CAP2: variants seen among roughly 807,000 people sequenced by gnomAD.
The protein encoded by CAP2 is cyclase associated actin cytoskeleton regulatory protein 2, also known as adenylyl cyclase-associated protein 2.
CAP2 carries 24 observed loss-of-function variants against 57.7 expected under a neutral mutation model. The ratio of observed to expected loss-of-function variants is 0.42; its 90% confidence interval spans 0.30 to 0.58. The LOEUF is 0.58. Ranked by LOEUF, CAP2 falls within the 20% of genes least tolerant of loss-of-function variation. CAP2 has a pLI of 0.22. For synonymous variants in CAP2, 194 were observed against 207.2 expected (o/e 0.94, Z 0.55); for missense variants, 501 against 590.3 (o/e 0.85, Z 1.57).
At chr6:17,495,418 T>C (rs1450675205) in intron 4 of CAP2, among the ~76,000 whole-genome samples, 1 of 152,204 alleles carries the variant, frequency 6.6e-6, no homozygotes, top group South Asian at 2.1e-4. Flanking sequence ...GCTTTACATC[T>C]AAGAACTGAG....
At chr6:17,462,953 A>G (rs368919174) in intron 3 of CAP2, 43 bp from the exon 4 acceptor site, 10 of 1,474,132 alleles carry the variant, frequency 6.8e-6, no homozygotes, top group African/African-American at 5.5e-5. Context: ...AACAATTTTT[A>G]GGAGTCAAAC....
intron 12 of CAP2, among the ~76,000 whole-genome samples, chr6:17,554,330 G>T (rs1378317933): frequency 6.6e-6 from 1 of 152,130 alleles, no homozygotes; most frequent in African/African-American, 2.4e-5. Flanking sequence ...CAATGGAGAG[G>T]GTGGGATTAC....
chr6:17,469,110 C>T (rs1487869985), intron 4 of CAP2, among the ~76,000 whole-genome samples: 2 of 152,358 alleles, frequency 1.3e-5, no homozygotes, highest in African/African-American at 4.8e-5. Flanking sequence ...CCAAAACTCT[C>T]GCCCGAGCTG....
chr6:17,497,120 C>T (rs755603481), intron 4 of CAP2, among the ~76,000 whole-genome samples: 1 of 152,150 alleles, frequency 6.6e-6, no homozygotes, highest in Non-Finnish European at 1.5e-5. Context: ...TTTTTTCTTG[C>T]TATTTCAAAG....
intron 1 of CAP2, among the ~76,000 whole-genome samples, chr6:17,401,937 T>A (rs917979190): frequency 7.9e-5 from 12 of 152,218 alleles, no homozygotes; most frequent in Non-Finnish European, 1.8e-4. Context: ...TCTTCAGTAA[T>A]TGAAAATTTT....
At position 17,533,713 on chromosome 6, in the gene CAP2, C is replaced by T. The variant is rs561651659; in HGVS notation, c.637-5556C>T. On this transcript the variant is annotated intron_variant, in intron 7 of 12. Coordinates refer to ENST00000229922, the MANE Select transcript of CAP2 (RefSeq NM_006366.3). The stretch of plus-strand genomic sequence containing the variant: ...CCTTCTAAGTAGCTGGGACAACAGG[C>T]GTGTGCACCATGCCGAGCTAATTTT... Among the ~76,000 whole-genome samples the T allele has an allele frequency of 3.1e-4, 47 of 151,936 alleles. 1 individual carries two copies. Among genetic ancestry groups the T allele is most frequent in the African/African-American group, 1.0e-3 (43 of 41,434 alleles).
At chr6:17,395,476 A>G (rs183995751) in intron 1 of CAP2, among the ~76,000 whole-genome samples, 1 of 152,216 alleles carries the variant, frequency 6.6e-6, no homozygotes, top group East Asian at 1.9e-4. Flanking sequence ...CACAAAAGTA[A>G]GAGAGAAGGG....
intron 2 of CAP2, among the ~76,000 whole-genome samples, chr6:17,424,083 T>G (rs1430338427): frequency 2.6e-5 from 4 of 152,240 alleles, no homozygotes; most frequent in Non-Finnish European, 5.9e-5. Context: ...TTATTTTTTT[T>G]TTAATTTTAA....
At chr6:17,479,544 AAGG>A (rs1761234846) in intron 4 of CAP2, among the ~76,000 whole-genome samples, 1 of 152,140 alleles carries the variant, frequency 6.6e-6, no homozygotes, top group Non-Finnish European at 1.5e-5. Flanking sequence ...GGAAGGAAAA[AAGG>A]AGGGAAAAAA....
At chr6:17,464,981 TC>T in intron 4 of CAP2, among the ~76,000 whole-genome samples, 1 of 152,288 alleles carries the variant, frequency 6.6e-6, no homozygotes, top group Admixed American at 6.5e-5. Context: ...AAGAGGCCTC[TC>T]CAATGGCTTT....
At chr6:17,485,215 CT>C (rs1761390590) in intron 4 of CAP2, among the ~76,000 whole-genome samples, 1 of 151,906 alleles carries the variant, frequency 6.6e-6, no homozygotes, top group African/African-American at 2.4e-5. Context: ...TATGAGGGAC[CT>C]TTTAATTAAA....
At chr6:17,540,897 C>T (rs528395992) in intron 8 of CAP2, 76 bp from the exon 9 acceptor site, 6 of 1,389,808 alleles carry the variant, frequency 4.3e-6, no homozygotes, top group South Asian at 1.4e-5. Flanking sequence ...TCTTTATTTA[C>T]ATCATGTTGA....
chr6:17,426,235 T>C (rs1309390181), intron 2 of CAP2, among the ~76,000 whole-genome samples: 2 of 150,900 alleles, frequency 1.3e-5, no homozygotes, highest in Admixed American at 1.3e-4. Context: ...GGTTTTCTTT[T>C]TTTTTTTTTT....
At chr6:17,535,710 G>A (rs1266572069) in intron 7 of CAP2, among the ~76,000 whole-genome samples, 2 of 152,052 alleles carry the variant, frequency 1.3e-5, no homozygotes, top group Admixed American at 1.3e-4. Flanking sequence ...CAGCCTTTCT[G>A]ATTTCCTGCC....
rs146838652 is a variant in CAP2, at chr6:17,480,459, A to C, written c.300+17386A>C. ...TTTCTCTAAAGCTCAAAGGCCAACG[A>C]GGGCAAAAGATAAACCTAAACCTGG... On this transcript the variant is annotated intron_variant, in intron 4 of 12. Coordinates refer to ENST00000229922, the MANE Select transcript of CAP2 (RefSeq NM_006366.3). Among the ~76,000 whole-genome samples the C allele has an allele frequency of 1.9e-3, 290 of 152,294 alleles. 1 individual carries two copies. The highest frequency in any genetic ancestry group is 3.5e-3 in the Non-Finnish European group (235 of 68,018).
At chr6:17,514,467 G>T (rs887955144) in intron 7 of CAP2, among the ~76,000 whole-genome samples, 1 of 152,064 alleles carries the variant, frequency 6.6e-6, no homozygotes, top group Non-Finnish European at 1.5e-5. Context: ...AAAATGGCTG[G>T]CAGGGCGCAG....
chr6:17,484,959 A>T (rs1450516585), intron 4 of CAP2, among the ~76,000 whole-genome samples: 1 of 152,206 alleles, frequency 6.6e-6, no homozygotes, highest in Admixed American at 6.5e-5. Flanking sequence ...TATAGGTAGA[A>T]TATGAAGATT....
intron 3 of CAP2, among the ~76,000 whole-genome samples, chr6:17,454,315 C>G (rs895545591): frequency 1.3e-5 from 2 of 151,830 alleles, no homozygotes; most frequent in Non-Finnish European, 2.9e-5. Flanking sequence ...GATGAGGGTC[C>G]AGTTGTACAG....
chr6:17,487,885 C>T (rs1761456104), intron 4 of CAP2, among the ~76,000 whole-genome samples: 1 of 152,056 alleles, frequency 6.6e-6, no homozygotes, highest in South Asian at 2.1e-4. Flanking sequence ...CTCAAGTGAT[C>T]CTCCCACCTC....
Sources: allele counts gnomAD v4.1 joint callset (sites outside exome capture counted in the v4.1 genomes callset), GRCh38; gene constraint gnomAD v4.1.1; transcripts MANE v1.5; gene names NCBI Gene and HGNC (gene_info 2026-07-23, HGNC 2026-07-21).